ZCCHC7: variants seen among roughly 807,000 people sequenced by gnomAD.
The protein encoded by ZCCHC7 is zinc finger CCHC domain-containing protein 7.
In ZCCHC7, 35 loss-of-function variants were observed where a neutral mutation model predicts 52.0. That is an observed-to-expected ratio of 0.67 (90% CI 0.51 to 0.89). ZCCHC7 has a LOEUF of 0.89. Ranked by LOEUF, ZCCHC7 falls within the 40% of genes least tolerant of loss-of-function variation. ZCCHC7 has a pLI of 0.00. For synonymous variants in ZCCHC7, 217 were observed against 221.5 expected (o/e 0.98, Z 0.18); for missense variants, 574 against 649.1 (o/e 0.88, Z 1.26).
chr9:37,332,969 T>C, intron 6 of ZCCHC7, among the ~76,000 whole-genome samples: 1 of 151,782 alleles, frequency 6.6e-6, no homozygotes, highest in East Asian at 1.9e-4. Context: ...GGAGCACTTG[T>C]GAGAACCTTA....
chr9:37,289,845 A>C (rs1334691260), intron 2 of ZCCHC7, among the ~76,000 whole-genome samples: 1 of 152,192 alleles, frequency 6.6e-6, no homozygotes, highest in African/African-American at 2.4e-5. Context: ...CCTTAAACAC[A>C]TCAGGAATAT....
At chr9:37,125,679 G>A (rs1842511063) in intron 1 of ZCCHC7, among the ~76,000 whole-genome samples, 2 of 152,210 alleles carry the variant, frequency 1.3e-5, no homozygotes, top group South Asian at 4.1e-4. Context: ...GCTGCTTTAA[G>A]TTTTGTTTTA....
intron 5 of ZCCHC7, among the ~76,000 whole-genome samples, chr9:37,317,438 G>A (rs1260133817): frequency 2.0e-5 from 3 of 152,192 alleles, no homozygotes; most frequent in East Asian, 1.9e-4. Context: ...TTTCCTGGGT[G>A]CAGTGGCACC....
intron 2 of ZCCHC7, among the ~76,000 whole-genome samples, chr9:37,280,011 G>A (rs769180970): frequency 4.6e-5 from 7 of 151,924 alleles, no homozygotes; most frequent in Non-Finnish European, 1.0e-4. Flanking sequence ...AAAATTAGCC[G>A]GTCCTGGCGT....
At chr9:37,178,733 G>A (rs185075596) in intron 2 of ZCCHC7, among the ~76,000 whole-genome samples, 31 of 152,270 alleles carry the variant, frequency 2.0e-4, no homozygotes, top group African/African-American at 6.7e-4. Flanking sequence ...TAAATTTTGG[G>A]TTTCTGTTAA....
At position 37,356,906 on chromosome 9, in the gene ZCCHC7, C is replaced by G. The variant is rs1325584536; in HGVS notation, c.1270C>G (p.His424Asp). The G allele has an allele frequency of 4.3e-6, 7 of 1,613,456 alleles. No homozygotes were observed. The highest frequency in any genetic ancestry group is 5.9e-6 in the Non-Finnish European group (7 of 1,179,886). ...TATAAAAGCAGCAAATGAGAACCCC[C>G]ACCATGATATAAGGAAGGGCCGTGC... ...PYIKAANENP[H>D]HDIRKGRASW... Residue 424 changes from histidine (H) to aspartate (D), a missense_variant, in exon 9 of 9, where the codon CAC (histidine) becomes GAC (aspartate). Physicochemically the swap from His to Asp is moderately conservative, Grantham distance 81. Around this residue, in one of 3 missense-constraint regions of ZCCHC7, gnomAD observed 168 missense variants for 171.6 expected, o/e 0.98. Coordinates refer to ENST00000336755, the MANE Select transcript of ZCCHC7 (RefSeq NM_032226.3).
chr9:37,153,307 A>G (rs1327979875), intron 2 of ZCCHC7, among the ~76,000 whole-genome samples: 1 of 151,942 alleles, frequency 6.6e-6, no homozygotes, highest in Non-Finnish European at 1.5e-5. Context: ...AGTAGCTGGG[A>G]TCATAGGTGC....
intron 2 of ZCCHC7, among the ~76,000 whole-genome samples, chr9:37,252,462 G>T (rs1189451688): frequency 6.6e-6 from 1 of 152,054 alleles, no homozygotes; most frequent in Non-Finnish European, 1.5e-5. Flanking sequence ...ATTTTAATAT[G>T]CCAGTTTTGG....
chr9:37,293,293 G>GA (rs1588624864), intron 2 of ZCCHC7, among the ~76,000 whole-genome samples: 2 of 152,164 alleles, frequency 1.3e-5, no homozygotes, highest in East Asian at 1.9e-4. Context: ...TTTCACCAAG[G>GA]AACAAGTAAG....
At chr9:37,240,040 C>T (rs1825813371) in intron 2 of ZCCHC7, among the ~76,000 whole-genome samples, 1 of 151,900 alleles carries the variant, frequency 6.6e-6, no homozygotes. Context: ...TATTAAAAGC[C>T]AATTATTAGA....
chr9:37,326,675 TATC>T (rs201057797), intron 5 of ZCCHC7, among the ~76,000 whole-genome samples: 7,705 of 152,068 alleles, frequency 0.051, 636 homozygotes, highest in African/African-American at 0.17. Context: ...CTTAAATTAT[TATC>T]ATAGCCATGA....
chr9:37,171,989 T>C (rs1169306996), intron 2 of ZCCHC7, among the ~76,000 whole-genome samples: 1 of 152,216 alleles, frequency 6.6e-6, no homozygotes, highest in Non-Finnish European at 1.5e-5. Context: ...TTGATTTTTT[T>C]CTATCAAATT....
chr9:37,267,821 G>A (rs904560925), intron 2 of ZCCHC7, among the ~76,000 whole-genome samples: 8 of 151,864 alleles, frequency 5.3e-5, no homozygotes, highest in South Asian at 2.1e-4. Flanking sequence ...CACCCGCCTC[G>A]GCCTCCCAGA....
chr9:37,147,675 A>C (rs1843495455), intron 2 of ZCCHC7, among the ~76,000 whole-genome samples: 1 of 152,086 alleles, frequency 6.6e-6, no homozygotes, highest in Non-Finnish European at 1.5e-5. Context: ...CAATCATATT[A>C]GGAATAAAAG....
At chr9:37,348,573 T>G (rs1821170037) in intron 6 of ZCCHC7, among the ~76,000 whole-genome samples, 1 of 151,868 alleles carries the variant, frequency 6.6e-6, no homozygotes, top group African/African-American at 2.4e-5. Flanking sequence ...AGAGACGAGG[T>G]TTCACCATGC....
intron 2 of ZCCHC7, among the ~76,000 whole-genome samples, chr9:37,287,161 C>G (rs1032625790): frequency 6.7e-6 from 1 of 148,236 alleles, no homozygotes; most frequent in Non-Finnish European, 1.5e-5. Context: ...TCCCAAGTAG[C>G]TAGGACTACA....
chr9:37,347,227 T>G (rs1332327996), intron 6 of ZCCHC7, among the ~76,000 whole-genome samples: 3 of 152,182 alleles, frequency 2.0e-5, no homozygotes, highest in East Asian at 1.9e-4. Context: ...TCCATCTCCA[T>G]TATCTTTCCC....
intron 5 of ZCCHC7, among the ~76,000 whole-genome samples, chr9:37,323,404 G>A (rs984413311): frequency 2.6e-5 from 4 of 152,332 alleles, no homozygotes; most frequent in Admixed American, 2.6e-4. Context: ...CCTGATTACA[G>A]AGGATTAAAA....
intron 5 of ZCCHC7, among the ~76,000 whole-genome samples, chr9:37,310,556 CTG>C (rs760310077): frequency 2.7e-4 from 41 of 152,210 alleles, no homozygotes; most frequent in Non-Finnish European, 4.6e-4. Context: ...AAACTGAAAA[CTG>C]AGACATTACA....
Sources: allele counts gnomAD v4.1 joint callset (sites outside exome capture counted in the v4.1 genomes callset), GRCh38; gene constraint gnomAD v4.1.1; regional missense constraint gnomAD v4.1.1; transcripts MANE v1.5; gene names NCBI Gene and HGNC (gene_info 2026-07-23, HGNC 2026-07-21).